NAP1L4: variants seen among roughly 807,000 people sequenced by gnomAD.
NAP1L4 encodes the protein nucleosome assembly protein 1 like 4.
NAP1L4 carries 15 observed loss-of-function variants against 58.2 expected under a neutral mutation model. The observed-to-expected ratio is 0.26, with a 90% CI of 0.17 to 0.40. The LOEUF is 0.40. Among genes scored for constraint, NAP1L4 ranks in the 10% least tolerant of loss-of-function variants. The pLI, the probability that NAP1L4 is intolerant of heterozygous loss-of-function variation, is 1.00. For missense variants in NAP1L4, 384 were observed against 451.1 expected (o/e 0.85, Z 1.35); for synonymous variants, 171 against 155.6 (o/e 1.10, Z -0.74).
chr11:2,977,464 T>G (rs1048024546), intron 3 of NAP1L4, among the ~76,000 whole-genome samples: 1 of 152,208 alleles, frequency 6.6e-6, no homozygotes, highest in East Asian at 1.9e-4. Flanking sequence ...ACTGTGAGCA[T>G]TCTATAAGAC....
chr11:2,984,141 T>C (rs1590273144), intron 1 of NAP1L4, among the ~76,000 whole-genome samples: 1 of 125,336 alleles, frequency 8.0e-6, no homozygotes, highest in African/African-American at 3.2e-5. Flanking sequence ...AACTCCAGCC[T>C]GGACAACAGA....
chr11:2,977,392 G>A (rs61871243), intron 3 of NAP1L4, among the ~76,000 whole-genome samples: 11,301 of 152,268 alleles, frequency 0.074, 617 homozygotes, highest in Non-Finnish European at 0.12. Context: ...TTACCTGTGT[G>A]CCCTTCTTGC....
At chr11:2,978,154 T>C (rs931597989) in intron 3 of NAP1L4, 130 bp downstream of exon 3, 3 of 798,680 alleles carry the variant, frequency 3.8e-6, no homozygotes, top group African/African-American at 3.5e-5. Flanking sequence ...TACTGATTTT[T>C]CATTTTAATT....
chr11:2,957,113 TATC>T (rs1438462493), intron 10 of NAP1L4, among the ~76,000 whole-genome samples: 2 of 152,054 alleles, frequency 1.3e-5, no homozygotes, highest in Non-Finnish European at 2.9e-5. Flanking sequence ...TTGAGTCCAT[TATC>T]AACTCCATTT....
At chr11:2,979,368 G>A in intron 1 of NAP1L4, 131 bp from the exon 2 acceptor site, 2 of 691,488 alleles carry the variant, frequency 2.9e-6, no homozygotes, top group East Asian at 2.8e-5. Context: ...CTAGAGTGAT[G>A]AAAATGTTCT....
chr11:2,977,586 G>C (rs923408271), intron 3 of NAP1L4, among the ~76,000 whole-genome samples: 1 of 152,134 alleles, frequency 6.6e-6, no homozygotes, highest in Non-Finnish European at 1.5e-5. Flanking sequence ...TGCTAGATTC[G>C]GGCGTGGGGT....
intron 9 of NAP1L4, 104 bp from the exon 10 acceptor site, chr11:2,958,648 G>T: frequency 3.3e-6 from 4 of 1,199,942 alleles, no homozygotes; most frequent in South Asian, 1.5e-5. Context: ...CCTGGAAAAC[G>T]AAATAAAACC....
chr11:2,964,686 C>T lies in NAP1L4; in HGVS notation c.600G>A (p.Gln200=). Residue 200 remains glutamine (Q), a synonymous_variant, in exon 8 of 16, where the codon CAG becomes CAA. Coordinates refer to ENST00000380542, the MANE Select transcript of NAP1L4 (RefSeq NM_005969.4). ...DIKVKFSDPG[Q]PMSFVLEFHF... ...AGGTCAAGTCAGTACTCACCATAGG[C>T]TGTCCAGGGTCAGAAAATTTCACTT... The T allele has an allele frequency of 6.2e-7, 1 of 1,613,498 alleles. No homozygotes were observed. The highest frequency in any genetic ancestry group is 8.5e-7 in the Non-Finnish European group (1 of 1,179,502).
intron 7 of NAP1L4, among the ~76,000 whole-genome samples, chr11:2,966,167 C>A (rs1353279523): frequency 1.3e-5 from 2 of 152,136 alleles, no homozygotes; most frequent in African/African-American, 4.8e-5. Flanking sequence ...TTTCTTAAAT[C>A]ATTTTTTCTC....
chr11:2,953,281 A>C (rs1454433089), intron 12 of NAP1L4, among the ~76,000 whole-genome samples: 1 of 152,276 alleles, frequency 6.6e-6, no homozygotes, highest in African/African-American at 2.4e-5. Context: ...CAAATAGCAC[A>C]CATGCATATT....
intron 1 of NAP1L4, chr11:2,991,748 A>G (rs1848986643): frequency 6.6e-6 from 1 of 152,280 alleles, no homozygotes; most frequent in Admixed American, 6.5e-5. Context: ...CTACGGAAAA[A>G]CTCAAATTCC....
At position 2,972,203 on chromosome 11, in the gene NAP1L4, GT is replaced by G; in HGVS notation, c.213del (p.Lys71AsnfsTer5). 1 of 1,608,990 alleles carries G rather than the reference GT, an allele frequency of 6.2e-7. No homozygotes were observed. The highest frequency in any genetic ancestry group is 1.1e-5 in the South Asian group (1 of 90,200). ...KAVKRRINAL[K>X]QLQVRCAHIE... The stretch of plus-strand genomic sequence containing the variant: ...ATGTGAGCACATCTCACCTGAAGTT[GT>G]TTCAATGCATTAATTCTTCTTTTTA... On this transcript the variant is annotated frameshift_variant, in exon 5 of 16. Transcript: ENST00000380542. LOFTEE classifies it high-confidence loss of function.
At chr11:2,970,510 G>T (rs1847576388) in intron 6 of NAP1L4, among the ~76,000 whole-genome samples, 1 of 152,104 alleles carries the variant, frequency 6.6e-6, no homozygotes, top group South Asian at 2.1e-4. Flanking sequence ...GGCTATAAAT[G>T]CCAGCTCAGA....
chr11:2,971,571 T>C lies in NAP1L4; in HGVS notation c.316-37A>G. ...TGAGACCTTATTAGAATTATGTTATTAGCTTACTTAGGAACTCAAGAGTTA... is the reference window on the plus strand; with the variant it reads ...TGAGACCTTATTAGAATTATGTTATCAGCTTACTTAGGAACTCAAGAGTTA... On this transcript the variant is annotated intron_variant, in intron 5 of 15. Transcript: ENST00000380542. The surrounding 1 kb of genome is among the most constrained non-coding windows in gnomAD (Gnocchi z 4.2). 6.5e-7 allele frequency: 1 copy of C among 1,540,372 alleles called. No homozygotes were observed. Among genetic ancestry groups the C allele is most frequent in the Non-Finnish European group, 8.9e-7 (1 of 1,119,528 alleles).
intron 1 of NAP1L4, among the ~76,000 whole-genome samples, chr11:2,981,418 C>CAAA (rs35499396): frequency 9.7e-5 from 4 of 41,276 alleles, no homozygotes; most frequent in African/African-American, 2.5e-4. Context: ...TACCCTGTCT[C>CAAA]AAAAAAAAAA....
chr11:2,958,257 G>A, intron 10 of NAP1L4, 142 bp downstream of exon 10: 1 of 845,660 alleles, frequency 1.2e-6, no homozygotes, highest in Non-Finnish European at 2.0e-6. Flanking sequence ...CAACAGAACA[G>A]CCTGGGACAC....
At chr11:2,953,681 A>G (rs1846360436) in intron 12 of NAP1L4, among the ~76,000 whole-genome samples, 1 of 152,192 alleles carries the variant, frequency 6.6e-6, no homozygotes, top group Non-Finnish European at 1.5e-5. Flanking sequence ...ACGCTGGCCT[A>G]TTCTCCCCAC....
chr11:2,972,365 C>T, intron 4 of NAP1L4, 122 bp from the exon 5 acceptor site: 1 of 797,150 alleles, frequency 1.3e-6, no homozygotes, highest in East Asian at 3.2e-5. Context: ...TGAACAAGAC[C>T]TCTTAAAAAT....
At chr11:2,978,861 A>C (rs1016574290) in intron 2 of NAP1L4, among the ~76,000 whole-genome samples, 1 of 152,234 alleles carries the variant, frequency 6.6e-6, no homozygotes, top group African/African-American at 2.4e-5. Context: ...TAATATACAC[A>C]ACTAAAAGTA....
Sources: allele counts gnomAD v4.1 joint callset (sites outside exome capture counted in the v4.1 genomes callset), GRCh38; gene constraint gnomAD v4.1.1; non-coding constraint Gnocchi (gnomAD v3.1); transcripts MANE v1.5; gene names NCBI Gene and HGNC (gene_info 2026-07-23, HGNC 2026-07-21).